Variants in DNAJC13 observed in about 807,000 individuals in gnomAD.
The protein encoded by DNAJC13 is dnaJ homolog subfamily C member 13.
Under a neutral mutation model 290.5 loss-of-function variants are expected in DNAJC13, and 75 were observed. That is an observed-to-expected ratio of 0.26 (90% CI 0.21 to 0.31). The LOEUF is 0.31. DNAJC13 is among the 10% of genes least tolerant of loss of function. DNAJC13 has a pLI of 1.00. For synonymous variants in DNAJC13, 862 were observed against 892.0 expected (o/e 0.97, Z 0.60); for missense variants, 2,260 against 2,674.5 (o/e 0.85, Z 3.42).
intron 35 of DNAJC13, 105 bp from the exon 36 acceptor site, chr3:132,496,422 TA>T: frequency 2.7e-6 from 3 of 1,093,538 alleles, no homozygotes; most frequent in Non-Finnish European, 3.8e-6. Context: ...ATATAAACAA[TA>T]AAATAATAGC....
chr3:132,525,804 A>G lies in DNAJC13; in HGVS notation c.6240+15A>G. The G allele has an allele frequency of 6.2e-7, 1 of 1,610,426 alleles. No individual in the cohort carries two copies. On this transcript the variant is annotated intron_variant, in intron 52 of 55. Transcript: ENST00000260818. The stretch of plus-strand genomic sequence containing the variant: ...CTGAAAATGAGGTATTGATGAATAC[A>G]CTTAGTAGTTTATAAGCTCCAGAAT...
intron 53 of DNAJC13, 28 bp from the exon 54 acceptor site, chr3:132,528,161 G>A: frequency 6.2e-7 from 1 of 1,611,124 alleles, no homozygotes; most frequent in Non-Finnish European, 8.5e-7. Flanking sequence ...TTTTCTGTGT[G>A]TTTATATATG....
chr3:132,478,758 A>T (rs533112503), intron 24 of DNAJC13, among the ~76,000 whole-genome samples: 394 of 152,208 alleles, frequency 2.6e-3, no homozygotes, highest in Non-Finnish European at 3.8e-3. Flanking sequence ...CTCAAAAAAA[A>T]TTTTTTTATT....
At chr3:132,464,299 C>T (rs1933904997) in intron 17 of DNAJC13, among the ~76,000 whole-genome samples, 1 of 152,138 alleles carries the variant, frequency 6.6e-6, no homozygotes, top group Non-Finnish European at 1.5e-5. Context: ...TTAAATGATT[C>T]CCTTTTTCCT....
rs191677110 is a variant in DNAJC13, at chr3:132,525,851, C to T, written c.6240+62C>T. 1.9e-3 allele frequency: 2,871 copies of T among 1,535,060 alleles called. 3 individuals carry two copies. Among genetic ancestry groups the T allele is most frequent in the Non-Finnish European group, 2.3e-3 (2,632 of 1,129,294 alleles). ...GAATTTATCTATGCTCCCTTCTTGA[C>T]GGATATAAGTTGTAGTATTATATAA... On this transcript the variant is annotated intron_variant, in intron 52 of 55. Coordinates refer to ENST00000260818, the MANE Select transcript of DNAJC13 (RefSeq NM_015268.4).
rs532308264 is a variant in DNAJC13, at chr3:132,523,302, G to T, written c.5886+103G>T. ...CGACCTATAACTACTTTGTCATCAA[G>T]ACTCTTGGGTATTCCCCTGGAAAAT... is the stretch of plus-strand genomic sequence containing the variant. On this transcript the variant is annotated intron_variant, in intron 50 of 55. Coordinates refer to ENST00000260818, the MANE Select transcript of DNAJC13 (RefSeq NM_015268.4). 2.1e-5 allele frequency: 29 copies of T among 1,378,516 alleles called. No homozygotes were observed. In the African/African-American group the frequency reaches 2.5e-4, roughly 12 times the overall value. 85.4% of individuals were successfully genotyped at this position (1,378,516 alleles called of 1,614,324 possible). A position where few individuals can be genotyped will look rare whatever the true frequency, so the allele number is the denominator to read the frequency against.
intron 42 of DNAJC13, among the ~76,000 whole-genome samples, 198 bp downstream of exon 42, chr3:132,505,613 G>A (rs1427127998): frequency 6.6e-6 from 1 of 152,112 alleles, no homozygotes. Flanking sequence ...TTTTATTGTT[G>A]TTACCACTTA....
intron 43 of DNAJC13, among the ~76,000 whole-genome samples, chr3:132,510,239 A>C (rs1387434639): frequency 6.6e-6 from 1 of 152,164 alleles, no homozygotes; most frequent in Non-Finnish European, 1.5e-5. Flanking sequence ...CAATATTAGG[A>C]GAAAATATAG....
intron 50 of DNAJC13, among the ~76,000 whole-genome samples, 164 bp downstream of exon 50, chr3:132,523,363 C>T (rs1041043394): frequency 3.9e-5 from 6 of 152,100 alleles, no homozygotes; most frequent in Admixed American, 1.3e-4. Context: ...TACTTACTTT[C>T]GAAGTTAGTA....
In DNAJC13 at chr3:132,506,045, C is replaced by CTTTTTTTTTTT. The variant is rs573857472; in HGVS notation, c.4998+643_4998+653dup. On this transcript the variant is annotated intron_variant, in intron 42 of 55. Coordinates refer to ENST00000260818, the MANE Select transcript of DNAJC13 (RefSeq NM_015268.4). ...CGGGTCTTACATGTCTGTACATTATCTTTTTTTTTTTTTTTTTTTTTTTGA... is the reference window on the plus strand; with the variant it reads ...CGGGTCTTACATGTCTGTACATTATCTTTTTTTTTTTTTTTTTTTTTTTTTTTTTTTTTTGA... Among the ~76,000 whole-genome samples the CTTTTTTTTTTT allele has an allele frequency of 5.6e-3, 408 of 72,600 alleles. 46 individuals carry two copies. The highest frequency in any genetic ancestry group is 0.012 in the East Asian group (19 of 1,534). The allele number at this position is 72,600 out of a possible 152,430, so 47.6% of individuals were successfully genotyped here.
At chr3:132,467,071 C>T in intron 19 of DNAJC13, 99 bp from the exon 20 acceptor site, 1 of 1,330,848 alleles carries the variant, frequency 7.5e-7, no homozygotes, top group East Asian at 2.5e-5. Context: ...TAACATCCAG[C>T]ATTAACCTTA....
Position 132,500,601 on chromosome 3 carries a change from A to G in DNAJC13, c.4417-193A>G, listed in dbSNP as rs535824931. Among the ~76,000 whole-genome samples the G allele has an allele frequency of 2.0e-5, 3 of 152,348 alleles. No homozygotes were observed. In the South Asian group the frequency reaches 6.2e-4, roughly 32 times the overall value. ...GGGTTGTAGTAGCTGTGGTTTGCCA[A>G]CTACCCCAGCATTTATAGGAAATCT... On this transcript the variant is annotated intron_variant, in intron 38 of 55. Coordinates refer to ENST00000260818, the MANE Select transcript of DNAJC13 (RefSeq NM_015268.4).
At chr3:132,444,736 T>G (rs1933187526) in intron 2 of DNAJC13, among the ~76,000 whole-genome samples, 1 of 152,248 alleles carries the variant, frequency 6.6e-6, no homozygotes, top group Non-Finnish European at 1.5e-5. Context: ...TTTCTTTGTT[T>G]TAGTTCCTAT....
Position 132,447,368 on chromosome 3 carries a change from A to G in DNAJC13, c.192A>G (p.Gln64=). The G allele has an allele frequency of 6.2e-7, 1 of 1,604,918 alleles. No homozygotes were observed. The highest frequency in any genetic ancestry group is 1.7e-5 in the Admixed American group (1 of 58,008). ...ICSISPVGKG[Q]GTEFNLTFRK... ...GCATCAGCCCTGTTGGAAAAGGACA[A>G]GGAACGGAGTTCAACCTCACATTTC... Residue 64 remains glutamine (Q), a synonymous_variant, in exon 4 of 56, where the codon CAA becomes CAG. Transcript: ENST00000260818.
rs978254808 is a variant in DNAJC13, at chr3:132,488,384, C to T, written c.3354C>T (p.Arg1118=). The T allele has an allele frequency of 3.1e-6, 5 of 1,613,472 alleles. No homozygotes were observed. The African/African-American group carries it at 6.7e-5, about 22-fold the overall frequency. The change falls in exon 30 of 56, where the codon CGC becomes CGT. Residue 1118 remains arginine, a synonymous_variant. Coordinates refer to ENST00000260818, the MANE Select transcript of DNAJC13 (RefSeq NM_015268.4). ...HIMQDNPQLP[R]LYLSGVFFFI... ...TGCAAGATAACCCACAGTTACCCCG[C>T]CTTTATCTGAGTGGAGTATTTTTCT...
chr3:132,445,948 G>T, intron 2 of DNAJC13, among the ~76,000 whole-genome samples: 1 of 151,966 alleles, frequency 6.6e-6, no homozygotes, highest in Non-Finnish European at 1.5e-5. Context: ...CTTGTTTGTG[G>T]TGTAGGCTTC....
At chr3:132,531,496 T>C (rs948391541) in intron 55 of DNAJC13, among the ~76,000 whole-genome samples, 1 of 152,316 alleles carries the variant, frequency 6.6e-6, no homozygotes, top group Non-Finnish European at 1.5e-5. Context: ...TATGTATAAT[T>C]GTATGTAAAA....
chr3:132,429,556 A>G (rs1939189319), intron 1 of DNAJC13, among the ~76,000 whole-genome samples: 1 of 152,240 alleles, frequency 6.6e-6, no homozygotes, highest in Admixed American at 6.5e-5. Context: ...TGAGTATTCA[A>G]TATAAGTTGT....
At chr3:132,455,799 A>T (rs1035140342) in intron 9 of DNAJC13, among the ~76,000 whole-genome samples, 1 of 152,228 alleles carries the variant, frequency 6.6e-6, no homozygotes, top group Admixed American at 6.5e-5. Flanking sequence ...ATAGAGATAG[A>T]TCAGTGGTTT....
Sources: allele counts gnomAD v4.1 joint callset (sites outside exome capture counted in the v4.1 genomes callset), GRCh38; gene constraint gnomAD v4.1.1; transcripts MANE v1.5; gene names NCBI Gene and HGNC (gene_info 2026-07-23, HGNC 2026-07-21).